Variants in ADGRB3 observed in about 807,000 individuals in gnomAD.
ADGRB3 encodes brain-specific angiogenesis inhibitor 3.
ADGRB3 carries 37 observed loss-of-function variants against 193.4 expected under a neutral mutation model. The observed-to-expected ratio is 0.19, with a 90% confidence interval of 0.15 to 0.25. The LOEUF (loss-of-function observed/expected upper bound fraction) is 0.25. ADGRB3 is among the 10% of genes least tolerant of loss of function. ADGRB3 has a pLI of 1.00. For synonymous variants in ADGRB3, 690 were observed against 644.2 expected (o/e 1.07, Z -1.08); for missense variants, 1,637 against 1,852.9 (o/e 0.88, Z 2.14).
chr6:68,742,427 A>G (rs1334191236), intron 3 of ADGRB3, among the ~76,000 whole-genome samples: 1 of 152,108 alleles, frequency 6.6e-6, no homozygotes, highest in African/African-American at 2.4e-5. Context: ...AAAGAAAAAT[A>G]AAAGCACTAT....
intron 17 of ADGRB3, among the ~76,000 whole-genome samples, chr6:69,209,653 G>A (rs1189883238): frequency 1.3e-5 from 2 of 152,216 alleles, no homozygotes; most frequent in Non-Finnish European, 2.9e-5. Flanking sequence ...GGACAGTAAA[G>A]GAGTATTGCT....
intron 3 of ADGRB3, among the ~76,000 whole-genome samples, chr6:68,920,808 T>C (rs1232313079): frequency 3.3e-5 from 5 of 151,998 alleles, no homozygotes; most frequent in Non-Finnish European, 5.9e-5. Flanking sequence ...AAAAATCTAA[T>C]AGTTAAATCT....
intron 3 of ADGRB3, among the ~76,000 whole-genome samples, chr6:68,856,977 A>T (rs574588597): frequency 2.0e-5 from 3 of 152,288 alleles, no homozygotes; most frequent in Admixed American, 2.0e-4. Context: ...GCCAAGGTAC[A>T]GCTTGGGTTT....
At position 69,136,366 on chromosome 6, in the gene ADGRB3, A is replaced by G. The variant is rs146581027; in HGVS notation, c.2480+60328A>G. Among the ~76,000 whole-genome samples, 167 of 152,274 alleles carry G rather than the reference A, an allele frequency of 1.1e-3. 1 individual carries two copies. The highest frequency in any genetic ancestry group is 1.5e-3 in the Non-Finnish European group (101 of 67,962). On this transcript the variant is annotated intron_variant, in intron 17 of 31. Coordinates refer to ENST00000370598, the MANE Select transcript of ADGRB3 (RefSeq NM_001704.3). ...TAACCTCAAAAAAATGAAAGAATGT[A>G]TACTTACAACTTTTCTCTATAAATG...
intron 16 of ADGRB3, among the ~76,000 whole-genome samples, chr6:69,073,511 A>T (rs1772138917): frequency 6.6e-6 from 1 of 152,124 alleles, no homozygotes; most frequent in South Asian, 2.1e-4. Context: ...AGGGGATGAA[A>T]ATGAAACAGG....
intron 3 of ADGRB3, among the ~76,000 whole-genome samples, chr6:68,838,566 T>G (rs1018074260): frequency 6.6e-6 from 1 of 152,218 alleles, no homozygotes; most frequent in African/African-American, 2.4e-5. Context: ...CTATAATTAA[T>G]TTATTTGGTA....
At chr6:68,766,124 T>C (rs898469905) in intron 3 of ADGRB3, among the ~76,000 whole-genome samples, 3 of 152,018 alleles carry the variant, frequency 2.0e-5, no homozygotes, top group African/African-American at 7.2e-5. Context: ...TTATTTTGGT[T>C]GGCCACCTCA....
chr6:69,091,991 T>G (rs1470165139), intron 17 of ADGRB3, among the ~76,000 whole-genome samples: 2 of 152,328 alleles, frequency 1.3e-5, no homozygotes, highest in East Asian at 3.9e-4. Context: ...ATAAGCAGTC[T>G]GCAAATGTGG....
At chr6:68,666,198 C>A (rs1561988046) in intron 3 of ADGRB3, among the ~76,000 whole-genome samples, 1 of 151,838 alleles carries the variant, frequency 6.6e-6, no homozygotes, top group Non-Finnish European at 1.5e-5. Flanking sequence ...GTGTTTAAGG[C>A]ATGTTTGAAA....
intron 10 of ADGRB3, 28 bp from the exon 11 acceptor site, chr6:68,993,740 G>T (rs1769304689): frequency 6.3e-7 from 1 of 1,590,500 alleles, no homozygotes; most frequent in East Asian, 2.2e-5. Flanking sequence ...AGATTCTGAT[G>T]TTTGCTCTGT....
chr6:69,013,949 C>A (rs1012484035), intron 11 of ADGRB3, 89 bp from the exon 12 acceptor site: 3 of 779,790 alleles, frequency 3.8e-6, no homozygotes, highest in Non-Finnish European at 6.1e-6. Context: ...GTGCTTATAC[C>A]TTTACCACGT....
chr6:68,736,925 C>T (rs1413372310), intron 3 of ADGRB3, among the ~76,000 whole-genome samples: 1 of 151,840 alleles, frequency 6.6e-6, no homozygotes, highest in Non-Finnish European at 1.5e-5. Context: ...TTGAATTAGT[C>T]ATGTTTAGTA....
chr6:68,929,754 T>A (rs921183292), intron 3 of ADGRB3, among the ~76,000 whole-genome samples: 1 of 152,148 alleles, frequency 6.6e-6, no homozygotes, highest in Non-Finnish European at 1.5e-5. Context: ...TATGAATTTT[T>A]AAAAATATGT....
At chr6:68,974,395 A>C (rs1034134708) in intron 8 of ADGRB3, among the ~76,000 whole-genome samples, 1 of 152,192 alleles carries the variant, frequency 6.6e-6, no homozygotes, top group African/African-American at 2.4e-5. Context: ...TGGTGGCTCA[A>C]TTCTATAATC....
intron 30 of ADGRB3, among the ~76,000 whole-genome samples, chr6:69,374,392 A>G (rs1237070685): frequency 6.6e-6 from 1 of 152,070 alleles, no homozygotes; most frequent in Non-Finnish European, 1.5e-5. Context: ...TTAAATTTGT[A>G]TCAAGCTCCC....
At chr6:69,314,323 A>T (rs1768264553) in intron 20 of ADGRB3, among the ~76,000 whole-genome samples, 2 of 151,690 alleles carry the variant, frequency 1.3e-5, no homozygotes, top group Admixed American at 1.3e-4. Flanking sequence ...AAATTATAAA[A>T]ATTTAGCAAA....
intron 20 of ADGRB3, among the ~76,000 whole-genome samples, chr6:69,266,751 A>T (rs558422810): frequency 2.0e-4 from 30 of 152,208 alleles, no homozygotes; most frequent in African/African-American, 7.2e-4. Context: ...AAAGAAAATG[A>T]TGTTTATTTG....
intron 20 of ADGRB3, among the ~76,000 whole-genome samples, chr6:69,243,522 A>G (rs1349049755): frequency 1.3e-5 from 2 of 151,992 alleles, no homozygotes; most frequent in Admixed American, 1.3e-4. Flanking sequence ...TATGGGATAT[A>G]GGCCACAATG....
At chr6:68,672,368 T>C (rs1317050407) in intron 3 of ADGRB3, among the ~76,000 whole-genome samples, 1 of 152,044 alleles carries the variant, frequency 6.6e-6, no homozygotes, top group Non-Finnish European at 1.5e-5. Context: ...GTTTATTTGA[T>C]GTTTTTCTTC....
Sources: gnomAD v4.1 joint callset for allele counts (sites outside exome capture counted in the v4.1 genomes callset) on GRCh38, gnomAD v4.1.1 for gene constraint, MANE v1.5 for transcripts, NCBI Gene and HGNC (gene_info 2026-07-23, HGNC 2026-07-21) for gene names.